CERKL: variants seen among roughly 807,000 people sequenced by gnomAD.
The protein encoded by CERKL is ceramide kinase-like protein.
In CERKL, 61 loss-of-function variants were observed where a neutral mutation model predicts 63.4. The ratio of observed to expected loss-of-function variants is 0.96; its 90% CI spans 0.78 to 1.19. The LOEUF is 1.19. Among genes scored for constraint, CERKL ranks in the 50% most tolerant of loss-of-function variants. CERKL has a pLI of 0.00. For synonymous variants in CERKL, 250 were observed against 230.5 expected, an observed-to-expected ratio of 1.08 and a Z score of -0.77; for missense variants, 675 against 655.5, an observed-to-expected ratio of 1.03 and a Z score of -0.33.
In CERKL at chr2:181,538,138, A is replaced by ATAT; in HGVS notation, c.*43_*45dup. Reference sequence around the variant, plus strand: ...GTTTAAAGCATGGCCACATTTCTTTATATTAAAATTCTAGTTTGTACATTT... The same window carrying ATAT: ...GTTTAAAGCATGGCCACATTTCTTTATATTATTAAAATTCTAGTTTGTACATTT... On this transcript the variant is annotated 3_prime_UTR_variant, in exon 13 of 13. Coordinates refer to ENST00000410087, the MANE Select transcript of CERKL (RefSeq NM_201548.5). 7.8e-7 allele frequency: 1 copy of ATAT among 1,288,484 alleles called. No individual in the cohort carries two copies. Among genetic ancestry groups the ATAT allele is most frequent in the African/African-American group, 1.5e-5 (1 of 68,616 alleles). 79.8% of individuals were successfully genotyped at this position (1,288,484 alleles called of 1,614,324 possible). A position where few individuals can be genotyped will look rare whatever the true frequency, so the allele number is the denominator to read the frequency against.
Position 181,630,347 on chromosome 2 carries a change from A to ATTTTCC in CERKL, c.239-26269_239-26268insGGAAAA, listed in dbSNP as rs1185094133. 3.7e-3 allele frequency among the ~76,000 whole-genome samples: 569 copies of ATTTTCC among 152,206 alleles called. 2 individuals are homozygous for ATTTTCC. Among genetic ancestry groups the ATTTTCC allele is most frequent in the African/African-American group, 0.013 (533 of 41,528 alleles). On this transcript the variant is annotated intron_variant, in intron 1 of 12. Coordinates refer to ENST00000410087, the MANE Select transcript of CERKL (RefSeq NM_201548.5). The stretch of plus-strand genomic sequence containing the variant: ...AGGTGTGAGCCACCACACCTGGCCA[A>ATTTTCC]AATCCACTCTCAAGGTTGGAAAAGA...
chr2:181,620,184 G>T (rs1368650098), intron 1 of CERKL, among the ~76,000 whole-genome samples: 2 of 152,152 alleles, frequency 1.3e-5, no homozygotes, highest in South Asian at 4.1e-4. Context: ...TATTGCCAGG[G>T]TGTAAGGATT....
intron 2 of CERKL, among the ~76,000 whole-genome samples, chr2:181,599,353 T>G (rs1685361420): frequency 6.6e-6 from 1 of 151,900 alleles, no homozygotes; most frequent in African/African-American, 2.4e-5. Context: ...TCAGCCAACA[T>G]GGCAAAACCT....
chr2:181,629,854 T>G (rs1029566077), intron 1 of CERKL, among the ~76,000 whole-genome samples: 13 of 151,734 alleles, frequency 8.6e-5, no homozygotes, highest in African/African-American at 2.9e-4. Flanking sequence ...ATGTAAAAAA[T>G]TACCCATCTT....
rs546890457 is a variant in CERKL, at chr2:181,548,445, A to C, written c.1133+100T>G. 3.1e-5 allele frequency: 29 copies of C among 923,378 alleles called. No individual in the cohort carries two copies. The South Asian group carries it at 4.2e-4, about 13-fold the overall frequency. The allele number at this position is 923,378 out of a possible 1,614,324, so 57.2% of individuals were successfully genotyped here. ...ATTCTATATTCTTTACTACTATGTT[A>C]GAAAAATAACCAAAGATCCTAAGTC... On this transcript the variant is annotated intron_variant, in intron 8 of 12. Coordinates refer to ENST00000410087, the MANE Select transcript of CERKL (RefSeq NM_201548.5).
intron 2 of CERKL, among the ~76,000 whole-genome samples, chr2:181,584,021 CTATCACAATATCAACAA>C (rs1684651157): frequency 6.6e-6 from 1 of 152,202 alleles, no homozygotes; most frequent in Admixed American, 6.5e-5. Flanking sequence ...TTGGAGAGAA[CTATCACAATATCAACAA>C]TTTACTTTAG....
chr2:181,652,478 T>C (rs534663543), intron 1 of CERKL, among the ~76,000 whole-genome samples: 6 of 152,208 alleles, frequency 3.9e-5, no homozygotes, highest in Admixed American at 1.3e-4. Context: ...CCTCTCACCA[T>C]ATACAAAAAT....
chr2:181,636,806 C>T (rs1479128902), intron 1 of CERKL, among the ~76,000 whole-genome samples: 2 of 152,154 alleles, frequency 1.3e-5, no homozygotes, highest in Non-Finnish European at 2.9e-5. Context: ...TCCCCCTCAG[C>T]CCGCCCAACA....
chr2:181,601,941 AAG>A (rs1342071718), intron 2 of CERKL, among the ~76,000 whole-genome samples: 1 of 152,196 alleles, frequency 6.6e-6, no homozygotes, highest in Non-Finnish European at 1.5e-5. Context: ...AAGTTTCAAA[AAG>A]TAACATTTTC....
chr2:181,616,298 C>A (rs1574501782), intron 1 of CERKL, among the ~76,000 whole-genome samples: 1 of 147,588 alleles, frequency 6.8e-6, no homozygotes, highest in Non-Finnish European at 1.5e-5. Context: ...ACTGCAAGCT[C>A]CGCCTCCCAG....
chr2:181,555,797 G>T (rs1688178336), intron 5 of CERKL, among the ~76,000 whole-genome samples: 1 of 147,634 alleles, frequency 6.8e-6, no homozygotes. Context: ...CTGTCGCCCA[G>T]GCTGGAGTAC....
At chr2:181,556,824 C>T (rs1338893669) in intron 5 of CERKL, among the ~76,000 whole-genome samples, 1 of 152,216 alleles carries the variant, frequency 6.6e-6, no homozygotes, top group Non-Finnish European at 1.5e-5. Flanking sequence ...GCCACACTGT[C>T]TTCCACAATG....
chr2:181,559,946 G>C lies in CERKL; in HGVS notation c.678-1238C>G, dbSNP rs534641130. Among the ~76,000 whole-genome samples the C allele has an allele frequency of 7.4e-4, 112 of 152,246 alleles. 2 individuals carry two copies. The highest frequency in any genetic ancestry group is 2.9e-5 in the Non-Finnish European group (2 of 68,004). ...TATGACCCAGGTCATGTTTGATTAG[G>C]TGTGTTTTATTCTTATGTCTAAACT... On this transcript the variant is annotated intron_variant, in intron 4 of 12. Coordinates refer to ENST00000410087, the MANE Select transcript of CERKL (RefSeq NM_201548.5).
intron 1 of CERKL, among the ~76,000 whole-genome samples, chr2:181,609,533 T>TGA (rs1267362169): frequency 0.049 from 3,453 of 70,226 alleles, 357 homozygotes; most frequent in African/African-American, 0.14. Context: ...CTGTCTCTAC[T>TGA]AAAAAAAAAA....
At chr2:181,645,014 A>G (rs1034868222) in intron 1 of CERKL, among the ~76,000 whole-genome samples, 1 of 152,156 alleles carries the variant, frequency 6.6e-6, no homozygotes, top group African/African-American at 2.4e-5. Flanking sequence ...TGTGTCTCTC[A>G]TCCTGTTTTC....
intron 5 of CERKL, among the ~76,000 whole-genome samples, chr2:181,554,538 T>C (rs535819684): frequency 6.6e-6 from 1 of 152,280 alleles, no homozygotes; most frequent in East Asian, 1.9e-4. Context: ...TTTTATGTCC[T>C]CTCAGGCTTT....
At chr2:181,575,046 C>A (rs1207268415) in intron 2 of CERKL, among the ~76,000 whole-genome samples, 1 of 152,214 alleles carries the variant, frequency 6.6e-6, no homozygotes, top group Non-Finnish European at 1.5e-5. Context: ...GTGCTCAATG[C>A]CTTCCTTTTT....
intron 2 of CERKL, among the ~76,000 whole-genome samples, chr2:181,593,771 C>T (rs1685080718): frequency 1.3e-5 from 2 of 151,830 alleles, no homozygotes; most frequent in East Asian, 1.9e-4. Flanking sequence ...GACTCCTTTC[C>T]AGTGTTGCGA....
In CERKL at chr2:181,547,634, A is replaced by G. The variant is rs756111982; in HGVS notation, c.1252T>C (p.Leu418=). Residue 418 remains leucine (L), a synonymous_variant, in exon 10 of 13, where the codon TTG becomes CTG. Transcript: ENST00000410087. The stretch of plus-strand genomic sequence containing the variant: ...CTTACTAACCTGGTATTAGGTGCCA[A>G]GCCTCTAGGTGCCACTGAACACAGG... ...PCLCSVAPRG[L]APNTRLNNGS... 2.4e-5 allele frequency: 39 copies of G among 1,613,916 alleles called. 1 individual carries two copies. In the South Asian group the frequency reaches 3.7e-4, roughly 15 times the overall value.
Sources: gnomAD v4.1 joint callset for allele counts (sites outside exome capture counted in the v4.1 genomes callset) on GRCh38, gnomAD v4.1.1 for gene constraint, MANE v1.5 for transcripts, NCBI Gene and HGNC (gene_info 2026-07-23, HGNC 2026-07-21) for gene names.